The following ARMC8 variants were observed in gnomAD, a reference collection of about 807,000 sequenced individuals.
ARMC8 encodes armadillo repeat-containing protein 8.
A neutral mutation model predicts 99.3 loss-of-function variants in ARMC8; 20 were observed. That is an observed-to-expected ratio of 0.20 (90% CI 0.14 to 0.29). The LOEUF is 0.29. ARMC8 is among the 10% of genes least tolerant of loss of function. ARMC8 has a pLI of 1.00. For synonymous variants in ARMC8, 263 were observed against 278.3 expected, an observed-to-expected ratio of 0.95 and a Z score of 0.55; for missense variants, 569 against 809.5, an observed-to-expected ratio of 0.70 and a Z score of 3.60.
chr3:138,260,444 C>T (rs879448319), intron 12 of ARMC8, among the ~76,000 whole-genome samples: 6 of 152,202 alleles, frequency 3.9e-5, no homozygotes, highest in Non-Finnish European at 4.4e-5. Flanking sequence ...CCTGCTTCAC[C>T]CACTAGGCTG....
intron 21 of ARMC8, among the ~76,000 whole-genome samples, chr3:138,295,148 C>T (rs1222702899): frequency 2.0e-5 from 3 of 152,132 alleles, no homozygotes; most frequent in Non-Finnish European, 2.9e-5. Context: ...ATCTGCCCTC[C>T]TCAGCCTCCC....
chr3:138,247,315 T>C (rs2046928450), intron 12 of ARMC8, among the ~76,000 whole-genome samples: 1 of 152,170 alleles, frequency 6.6e-6, no homozygotes, highest in African/African-American at 2.4e-5. Flanking sequence ...TTTTTTAAAA[T>C]GCAATGTTTA....
chr3:138,247,148 G>A (rs985196304), intron 12 of ARMC8, among the ~76,000 whole-genome samples: 1 of 152,084 alleles, frequency 6.6e-6, no homozygotes, highest in African/African-American at 2.4e-5. Flanking sequence ...TTTCTTTTGA[G>A]TGCATTTCTT....
intron 11 of ARMC8, among the ~76,000 whole-genome samples, chr3:138,243,261 CAGAGTA>C (rs1291580816): frequency 1.3e-5 from 2 of 152,208 alleles, no homozygotes; most frequent in African/African-American, 4.8e-5. Flanking sequence ...TCATTTCCAT[CAGAGTA>C]AAACTGTAAC....
chr3:138,193,870 C>G (rs374633879), intron 1 of ARMC8, among the ~76,000 whole-genome samples: 5 of 152,162 alleles, frequency 3.3e-5, no homozygotes. Context: ...TGAAAACTTA[C>G]GCTCTGTGAA....
At chr3:138,190,245 A>G (rs549511175) in intron 1 of ARMC8, among the ~76,000 whole-genome samples, 3 of 136,590 alleles carry the variant, frequency 2.2e-5, no homozygotes, top group African/African-American at 8.1e-5. Flanking sequence ...CCAAGTTTAT[A>G]TTCAGCTTCA....
At chr3:138,221,571 CTGTTGT>C (rs367581823) in intron 2 of ARMC8, among the ~76,000 whole-genome samples, 1 of 151,506 alleles carries the variant, frequency 6.6e-6, no homozygotes, top group African/African-American at 2.4e-5. Flanking sequence ...GCTGTTTTTT[CTGTTGT>C]TGTTGTTGTT....
At chr3:138,271,830 T>G (rs1278072732) in intron 16 of ARMC8, among the ~76,000 whole-genome samples, 1 of 149,334 alleles carries the variant, frequency 6.7e-6, no homozygotes, top group East Asian at 1.9e-4. Context: ...GAGTCTCGCT[T>G]AGTTGCCCAG....
chr3:138,271,619 C>G (rs1472850269), intron 16 of ARMC8, among the ~76,000 whole-genome samples: 2 of 152,096 alleles, frequency 1.3e-5, no homozygotes, highest in Non-Finnish European at 2.9e-5. Flanking sequence ...AATATAAAAC[C>G]TTAGAGTCAT....
At chr3:138,256,477 C>T (rs551223558) in intron 12 of ARMC8, among the ~76,000 whole-genome samples, 11 of 123,790 alleles carry the variant, frequency 8.9e-5, no homozygotes, top group African/African-American at 2.8e-4. Context: ...GTGGTGCTAT[C>T]TCGGCTCACT....
intron 6 of ARMC8, among the ~76,000 whole-genome samples, chr3:138,230,831 T>C (rs556938582): frequency 6.6e-6 from 1 of 152,328 alleles, no homozygotes; most frequent in East Asian, 1.9e-4. Context: ...GTTACCTAAA[T>C]AGCTTTCAGG....
chr3:138,270,633 G>A (rs960682878), intron 16 of ARMC8, among the ~76,000 whole-genome samples: 8 of 151,958 alleles, frequency 5.3e-5, no homozygotes, highest in African/African-American at 1.9e-4. Context: ...ATAGATTGTG[G>A]GATGGCTAAT....
chr3:138,274,233 ATGTGTG>A (rs142329302), intron 17 of ARMC8, among the ~76,000 whole-genome samples: 17 of 142,342 alleles, frequency 1.2e-4, no homozygotes, highest in Admixed American at 3.5e-4. Context: ...GTGTATATAC[ATGTGTG>A]TGTGTGTGTG....
chr3:138,222,046 T>C (rs768156677), intron 3 of ARMC8, 49 bp downstream of exon 3: 2 of 1,430,494 alleles, frequency 1.4e-6, no homozygotes, highest in East Asian at 2.3e-5. Context: ...TAGTTTCTAA[T>C]GTATTTCTTA....
chr3:138,227,688 GT>G (rs1330933372), intron 5 of ARMC8, among the ~76,000 whole-genome samples: 1 of 152,058 alleles, frequency 6.6e-6, no homozygotes, highest in African/African-American at 2.4e-5. Flanking sequence ...GTTCTTTTAA[GT>G]TTTTTTCTTT....
chr3:138,235,592 G>A (rs1394571883), intron 7 of ARMC8, among the ~76,000 whole-genome samples: 1 of 152,104 alleles, frequency 6.6e-6, no homozygotes, highest in African/African-American at 2.4e-5. Context: ...TTTTATATAT[G>A]AAAGCAAGCA....
In ARMC8 at chr3:138,264,188, T is replaced by C. The variant is rs780863631; in HGVS notation, c.1275T>C (p.His425=). The change falls in exon 14 of 22, where the codon CAT becomes CAC. Residue 425 remains histidine (H), a synonymous_variant. Coordinates refer to ENST00000469044, the MANE Select transcript of ARMC8 (RefSeq NM_001363941.2). ...AGCTTCGAACCAGTTTCCAGGATCA[T>C]GCTGTTTGGAAACCTTTAATGAAGG... ...VQQLRTSFQD[H]AVWKPLMKVL... 1 of 1,613,950 alleles carries C rather than the reference T, an allele frequency of 6.2e-7. No individual in the cohort carries two copies. Among genetic ancestry groups the C allele is most frequent in the Non-Finnish European group, 8.5e-7 (1 of 1,179,858 alleles).
intron 1 of ARMC8, among the ~76,000 whole-genome samples, chr3:138,197,004 C>T (rs2043775080): frequency 6.6e-6 from 1 of 152,124 alleles, no homozygotes. Context: ...CCAGAGTATG[C>T]CAGTAATCTC....
intron 19 of ARMC8, chr3:138,287,654 T>C (rs1231865435): frequency 6.6e-6 from 3 of 456,606 alleles, no homozygotes; most frequent in Non-Finnish European, 1.3e-5. Context: ...GGACATCTCC[T>C]TAAAAGTGTT....
Sources: gnomAD v4.1 joint callset for allele counts (sites outside exome capture counted in the v4.1 genomes callset) on GRCh38, gnomAD v4.1.1 for gene constraint, MANE v1.5 for transcripts, NCBI Gene and HGNC (gene_info 2026-07-23, HGNC 2026-07-21) for gene names.